TAF3: variants seen among roughly 807,000 people sequenced by gnomAD.
TAF3 encodes the protein transcription initiation factor TFIID subunit 3.
TAF3 carries 7 observed loss-of-function variants against 80.6 expected under a neutral mutation model. The ratio of observed to expected loss-of-function variants is 0.09; its 90% CI spans 0.05 to 0.16. TAF3 has a LOEUF of 0.16. TAF3 is among the 10% of genes least tolerant of loss of function. The probability of loss-of-function intolerance (pLI) is 1.00; values close to 1 mark genes in which losing one functional copy is unlikely to be tolerated. For missense variants in TAF3, 921 were observed against 1,140.2 expected, an observed-to-expected ratio of 0.81 and a Z score of 2.77; for synonymous variants, 444 against 446.1, an observed-to-expected ratio of 1.00 and a Z score of 0.06.
chr10:7,862,177 T>C (rs1837154803), intron 2 of TAF3, among the ~76,000 whole-genome samples: 2 of 152,248 alleles, frequency 1.3e-5, no homozygotes, highest in Admixed American at 6.5e-5. Flanking sequence ...TATTTTCCTT[T>C]ATGTTCTTGA....
chr10:8,003,680 A>G (rs1442757483), intron 4 of TAF3, among the ~76,000 whole-genome samples: 2 of 152,218 alleles, frequency 1.3e-5, no homozygotes, highest in African/African-American at 4.8e-5. Context: ...TTATCCAAAA[A>G]ATCTTTTAAA....
At chr10:7,945,511 T>C (rs1838015859) in intron 2 of TAF3, among the ~76,000 whole-genome samples, 1 of 152,196 alleles carries the variant, frequency 6.6e-6, no homozygotes, top group South Asian at 2.1e-4. Context: ...TCCCTTCTTC[T>C]AGTTAAGTGG....
At position 8,009,166 on chromosome 10, in the gene TAF3, G is replaced by A. The variant is rs376569744; in HGVS notation, c.2404G>A (p.Ala802Thr). ...GACCCCACCGCCGGCCCCCGCGCCC[G>A]CCCCCGGCCCCATGCTCGTCAGCCC... ...PKTPPPAPAP[A>T]PGPMLVSPAP... Residue 802 changes from alanine (A) to threonine (T), a missense_variant, in exon 5 of 7, where the codon GCC becomes ACC. By Grantham distance (58) the Ala-to-Thr change is moderately conservative (BLOSUM62 0). Coordinates refer to ENST00000344293, the MANE Select transcript of TAF3 (RefSeq NM_031923.4). The surrounding 1 kb of genome is among the most constrained non-coding windows in gnomAD (Gnocchi z 4.1). The A allele has an allele frequency of 3.7e-5, 57 of 1,534,920 alleles. No individual in the cohort carries two copies. Among genetic ancestry groups the A allele is most frequent in the African/African-American group, 4.2e-5 (3 of 72,216 alleles).
intron 2 of TAF3, among the ~76,000 whole-genome samples, chr10:7,960,658 C>T (rs1056139399): frequency 8.5e-5 from 13 of 152,144 alleles, no homozygotes; most frequent in Non-Finnish European, 1.3e-4. Flanking sequence ...CGCAGGGGCT[C>T]ACTGTGAATG....
chr10:8,001,492 G>A lies in TAF3; in HGVS notation c.2316-7586G>A, dbSNP rs576199743. Among the ~76,000 whole-genome samples the A allele has an allele frequency of 5.3e-4, 81 of 152,136 alleles. 1 individual carries two copies. The highest frequency in any genetic ancestry group is 8.4e-4 in the Non-Finnish European group (57 of 67,992). ...TCACAACAGCTGTTTATATAAGAAG[G>A]CGTAATGCTTTATTGTTGCAAGTAG... On this transcript the variant is annotated intron_variant, in intron 4 of 6. Coordinates refer to ENST00000344293, the MANE Select transcript of TAF3 (RefSeq NM_031923.4).
intron 2 of TAF3, among the ~76,000 whole-genome samples, chr10:7,880,680 C>G (rs1418873573): frequency 1.3e-5 from 2 of 152,076 alleles, no homozygotes; most frequent in East Asian, 3.9e-4. Context: ...CTTTCCATGC[C>G]TTTAAGTCCC....
intron 2 of TAF3, among the ~76,000 whole-genome samples, chr10:7,871,627 A>ATG (rs1837267753): frequency 6.6e-6 from 1 of 151,764 alleles, no homozygotes; most frequent in African/African-American, 2.4e-5. Flanking sequence ...TATTTTTAGT[A>ATG]GAGACAGGTT....
At chr10:7,949,726 T>C (rs951304440) in intron 2 of TAF3, among the ~76,000 whole-genome samples, 1 of 151,874 alleles carries the variant, frequency 6.6e-6, no homozygotes, top group Non-Finnish European at 1.5e-5. Context: ...CATTGCCAAT[T>C]AGACTGTGAA....
chr10:7,840,042 A>G (rs1443619383), intron 2 of TAF3, among the ~76,000 whole-genome samples: 1 of 152,212 alleles, frequency 6.6e-6, no homozygotes, highest in African/African-American at 2.4e-5. Context: ...TTCCAATGCT[A>G]TAGTAAGAGA....
chr10:8,007,961 T>C (rs1479095146), intron 4 of TAF3, among the ~76,000 whole-genome samples: 3 of 152,100 alleles, frequency 2.0e-5, no homozygotes, highest in Admixed American at 2.0e-4. Flanking sequence ...GAGAGTTGTG[T>C]GAAGAGGATG....
chr10:7,971,784 G>GT (rs1400838636), intron 3 of TAF3, among the ~76,000 whole-genome samples: 1 of 152,172 alleles, frequency 6.6e-6, no homozygotes, highest in Non-Finnish European at 1.5e-5. Context: ...AGCTTTATCA[G>GT]TTGGTGCCCT....
At chr10:7,937,479 G>C (rs1837932154) in intron 2 of TAF3, among the ~76,000 whole-genome samples, 2 of 152,290 alleles carry the variant, frequency 1.3e-5, no homozygotes, top group Non-Finnish European at 2.9e-5. Flanking sequence ...TTTGCCATCT[G>C]TATATGTCTT....
At chr10:7,965,837 A>T in intron 3 of TAF3, 95 bp downstream of exon 3, 1 of 1,373,520 alleles carries the variant, frequency 7.3e-7, no homozygotes, top group South Asian at 2.3e-5. Context: ...TTCTGGGTGT[A>T]AATCACCCAT....
chr10:7,931,814 T>C (rs993930414), intron 2 of TAF3, among the ~76,000 whole-genome samples: 4 of 152,212 alleles, frequency 2.6e-5, no homozygotes, highest in Non-Finnish European at 4.4e-5. Context: ...GGACTAGATA[T>C]ACAAATGACT....
intron 2 of TAF3, among the ~76,000 whole-genome samples, chr10:7,826,044 A>G (rs1836737322): frequency 1.3e-5 from 2 of 152,130 alleles, no homozygotes; most frequent in African/African-American, 2.4e-5. Flanking sequence ...AGTGTTACCT[A>G]TTTGTCTCAG....
intron 2 of TAF3, among the ~76,000 whole-genome samples, chr10:7,865,308 T>C (rs1379404562): frequency 6.6e-6 from 1 of 151,738 alleles, no homozygotes. Flanking sequence ...GAGACAGGGT[T>C]TCTACTAAAA....
chr10:7,902,044 C>T (rs1026779317), intron 2 of TAF3, among the ~76,000 whole-genome samples: 15 of 152,130 alleles, frequency 9.9e-5, no homozygotes, highest in Admixed American at 2.6e-4. Context: ...CCGCACCCCA[C>T]GTTCGTCAGT....
rs376980031 is a variant in TAF3, at chr10:7,886,496, G to C, written c.409+61936G>C. Among the ~76,000 whole-genome samples the C allele has an allele frequency of 3.9e-5, 6 of 152,032 alleles. No individual in the cohort carries two copies. The East Asian group carries it at 1.2e-3, about 29-fold the overall frequency. On this transcript the variant is annotated intron_variant, in intron 2 of 6. Transcript: ENST00000344293. ...ATAACCAAAGAAAAGTTTGGTTTTT[G>C]CATTTATAGACCTGGCTTAAAAATT...
At chr10:8,006,179 TACACACACACACACACACAC>T (rs59502450) in intron 4 of TAF3, among the ~76,000 whole-genome samples, 10 of 134,614 alleles carry the variant, frequency 7.4e-5, no homozygotes, top group Admixed American at 1.5e-4. Flanking sequence ...AAAAAAAAAA[TACACACACACACACACACAC>T]ACACACACAC....
Sources: allele counts gnomAD v4.1 joint callset (sites outside exome capture counted in the v4.1 genomes callset), GRCh38; gene constraint gnomAD v4.1.1; non-coding constraint Gnocchi (gnomAD v3.1); transcripts MANE v1.5; gene names NCBI Gene and HGNC (gene_info 2026-07-23, HGNC 2026-07-21).